The following SSU72 variants were observed in gnomAD, a reference collection of about 807,000 sequenced individuals.
The protein encoded by SSU72 is SSU72 homolog, RNA polymerase II CTD phosphatase, also known as RNA polymerase II subunit A C-terminal domain phosphatase SSU72.
SSU72 carries 12 observed loss-of-function variants against 22.7 expected under a neutral mutation model. The observed-to-expected ratio is 0.53, with a 90% CI of 0.34 to 0.86. The LOEUF is 0.86. Among genes scored for constraint, SSU72 ranks in the 40% least tolerant of loss-of-function variants. The probability of loss-of-function intolerance (pLI) is 0.02; values close to 1 mark genes in which losing one functional copy is unlikely to be tolerated. For synonymous variants in SSU72, 116 were observed against 98.3 expected, an observed-to-expected ratio of 1.18 and a Z score of -1.06; for missense variants, 151 against 249.8, an observed-to-expected ratio of 0.60 and a Z score of 2.67.
At chr1:1,564,566 C>CT in intron 2 of SSU72, 2 of 1,586,550 alleles carry the variant, frequency 1.3e-6, no homozygotes, top group African/African-American at 2.7e-5. Context: ...GTCTGTGCGC[C>CT]TCACCACGCC....
chr1:1,565,476 G>A (rs556313338), intron 1 of SSU72, among the ~76,000 whole-genome samples: 22 of 152,350 alleles, frequency 1.4e-4, no homozygotes, highest in African/African-American at 3.4e-4. Context: ...ATGTGGACTT[G>A]GGGAAGATTT....
intron 2 of SSU72, among the ~76,000 whole-genome samples, chr1:1,559,878 C>A (rs952258398): frequency 6.6e-6 from 1 of 152,176 alleles, no homozygotes; most frequent in Non-Finnish European, 1.5e-5. Context: ...GCATGCACCA[C>A]GATGGCCGGC....
chr1:1,551,679 G>T, intron 2 of SSU72, among the ~76,000 whole-genome samples: 1 of 152,214 alleles, frequency 6.6e-6, no homozygotes, highest in African/African-American at 2.4e-5. Context: ...CCCGATTCGC[G>T]GACGCCAACG....
chr1:1,571,386 G>A (rs935029422), intron 1 of SSU72, among the ~76,000 whole-genome samples: 5 of 147,938 alleles, frequency 3.4e-5, no homozygotes, highest in African/African-American at 5.0e-5. Flanking sequence ...AGCCAAGATC[G>A]TGTCATTGCA....
rs1642495724 is a variant in SSU72, at chr1:1,554,464, AG to A, written c.225-9463del. ...TGGTTGCTCTCAGGATAAACCACCC[AG>A]GGCCCCAAGGTGCCAGGACATACCA... On this transcript the variant is annotated intron_variant, in intron 2 of 4. Coordinates refer to ENST00000291386, the MANE Select transcript of SSU72 (RefSeq NM_014188.3). The surrounding 1 kb of genome is among the most constrained non-coding windows in gnomAD (Gnocchi z 4.1). Among the ~76,000 whole-genome samples the A allele has an allele frequency of 6.6e-6, 1 of 152,188 alleles. No individual in the cohort carries two copies. Among genetic ancestry groups the A allele is most frequent in the Non-Finnish European group, 1.5e-5 (1 of 68,018 alleles).
intron 2 of SSU72, among the ~76,000 whole-genome samples, chr1:1,559,167 T>C (rs773488504): frequency 7.9e-5 from 12 of 152,184 alleles, no homozygotes; most frequent in Admixed American, 3.3e-4. Context: ...TTAGAAATAG[T>C]TCCACGCATG....
intron 2 of SSU72, among the ~76,000 whole-genome samples, chr1:1,551,085 C>T (rs1324825851): frequency 6.6e-6 from 1 of 152,078 alleles, no homozygotes; most frequent in Admixed American, 6.5e-5. Flanking sequence ...TGCACGGGGA[C>T]CTTCCATGTG....
chr1:1,574,814 C>G lies in SSU72; in HGVS notation c.-257G>C, dbSNP rs938889477. The G allele has an allele frequency of 8.8e-6, 2 of 227,294 alleles. No individual in the cohort carries two copies. Among genetic ancestry groups the G allele is most frequent in the Non-Finnish European group, 1.8e-5 (2 of 113,644 alleles). The allele number at this position is 227,294 out of a possible 1,614,324, so 14.1% of individuals were successfully genotyped here. A position where few individuals can be genotyped will look rare whatever the true frequency, so the allele number is the denominator to read the frequency against. On this transcript the variant is annotated 5_prime_UTR_variant, in exon 1 of 5. Coordinates refer to ENST00000291386, the MANE Select transcript of SSU72 (RefSeq NM_014188.3). ...GGGCGGCCAACGCCGCGCCGGCCCC[C>G]GGCGTCCGCAGCAGAGACCCGCACT... is the stretch of plus-strand genomic sequence containing the variant.
rs763099407 is a variant in SSU72, at chr1:1,574,449, C to G, written c.80+29G>C. ...GGGAGGGCCGGTCGCCGGAGCAGAGCGCGCGGGGACAGGGTGGAGCCCAAC... is the reference window on the plus strand; with the variant it reads ...GGGAGGGCCGGTCGCCGGAGCAGAGGGCGCGGGGACAGGGTGGAGCCCAAC... On this transcript the variant is annotated intron_variant, in intron 1 of 4. Coordinates refer to ENST00000291386, the MANE Select transcript of SSU72 (RefSeq NM_014188.3). 35 of 1,575,834 alleles carry G rather than the reference C, an allele frequency of 2.2e-5. No homozygotes were observed. In the East Asian group the frequency reaches 8.0e-4, roughly 36 times the overall value.
intron 4 of SSU72, 100 bp downstream of exon 4, chr1:1,543,769 C>CCCCCTCTGTCACGGCCTCGGCCACT (rs1557493931): frequency 3.5e-6 from 3 of 856,806 alleles, no homozygotes; most frequent in Non-Finnish European, 5.2e-6. Flanking sequence ...GCCTCGGCCA[C>CCCCCTCTGTCACGGCCTCGGCCACT]CCCCTCTGTC....
At chr1:1,561,373 G>C (rs910290894) in intron 2 of SSU72, 1 of 152,136 alleles carries the variant, frequency 6.6e-6, no homozygotes, top group Non-Finnish European at 1.5e-5. Context: ...CTGAGTCACC[G>C]CGCCGGCCCG....
intron 2 of SSU72, among the ~76,000 whole-genome samples, chr1:1,549,105 G>GA (rs1179103078): frequency 6.6e-6 from 1 of 152,182 alleles, no homozygotes; most frequent in Non-Finnish European, 1.5e-5. Context: ...TCATGCAACA[G>GA]AAAGTGTCAT....
intron 1 of SSU72, among the ~76,000 whole-genome samples, chr1:1,573,698 G>A (rs549671410): frequency 2.1e-4 from 32 of 152,298 alleles, no homozygotes; most frequent in Non-Finnish European, 4.4e-4. Context: ...TGGACTGCGA[G>A]AAGAGAAGCG....
At position 1,547,730 on chromosome 1, in the gene SSU72, C is replaced by CG. The variant is rs779394307; in HGVS notation, c.225-2729dup. ...CCTTCAATAGACAGGCTCAGGGCCA[C>CG]GGGGAGGCTGAGCAGGTTTCGGGCC... On this transcript the variant is annotated intron_variant, in intron 2 of 4. Coordinates refer to ENST00000291386, the MANE Select transcript of SSU72 (RefSeq NM_014188.3). 7.2e-5 allele frequency among the ~76,000 whole-genome samples: 11 copies of CG among 152,140 alleles called. 1 individual carries two copies. The East Asian group carries it at 9.6e-4, about 13-fold the overall frequency.
chr1:1,572,476 A>G (rs1642743265), intron 1 of SSU72, among the ~76,000 whole-genome samples: 1 of 150,236 alleles, frequency 6.7e-6, no homozygotes, highest in South Asian at 2.1e-4. Context: ...TATTTATTTG[A>G]GATGGAGTCT....
At chr1:1,559,271 C>T (rs759613353) in intron 2 of SSU72, among the ~76,000 whole-genome samples, 4 of 152,086 alleles carry the variant, frequency 2.6e-5, no homozygotes, top group Admixed American at 1.3e-4. Context: ...CGGTGTGGAA[C>T]GGGCGGACCT....
At chr1:1,545,062 G>A (rs552352631) in intron 2 of SSU72, 60 bp from the exon 3 acceptor site, 10 of 1,572,640 alleles carry the variant, frequency 6.4e-6, no homozygotes, top group Middle Eastern at 1.7e-4. Flanking sequence ...GCCTGGAAGC[G>A]CCTGTGTCCT....
At chr1:1,555,343 C>T (rs948220800) in intron 2 of SSU72, among the ~76,000 whole-genome samples, 1 of 152,234 alleles carries the variant, frequency 6.6e-6, no homozygotes, top group Non-Finnish European at 1.5e-5. Flanking sequence ...CTGGGAGCCT[C>T]GCTCCAGCGA....
In SSU72 at chr1:1,554,475, G is replaced by A. The variant is rs895508302; in HGVS notation, c.225-9473C>T. Among the ~76,000 whole-genome samples the A allele has an allele frequency of 6.6e-6, 1 of 152,156 alleles. No homozygotes were observed. The highest frequency in any genetic ancestry group is 1.5e-5 in the Non-Finnish European group (1 of 68,028). On this transcript the variant is annotated intron_variant, in intron 2 of 4. Transcript: ENST00000291386. This position sits in a 1 kb window ranked among gnomAD's most constrained non-coding sequence, Gnocchi z 4.1. The stretch of plus-strand genomic sequence containing the variant: ...AGGATAAACCACCCAGGGCCCCAAG[G>A]TGCCAGGACATACCAGGAAACGCCC...
Sources: gnomAD v4.1 joint callset for allele counts (sites outside exome capture counted in the v4.1 genomes callset) on GRCh38, gnomAD v4.1.1 for gene constraint, Gnocchi (gnomAD v3.1) non-coding constraint, MANE v1.5 for transcripts, NCBI Gene and HGNC (gene_info 2026-07-23, HGNC 2026-07-21) for gene names.